Variants in MCF2L2 observed in about 807,000 individuals in gnomAD.
MCF2L2 encodes the protein probable guanine nucleotide exchange factor MCF2L2.
MCF2L2 carries 102 observed loss-of-function variants against 150.2 expected under a neutral mutation model. The observed-to-expected ratio is 0.68, with a 90% CI of 0.58 to 0.80. The LOEUF (loss-of-function observed/expected upper bound fraction) is 0.80, where lower values mean the gene tolerates loss of function less well. MCF2L2 is among the 30% of genes least tolerant of loss of function. The pLI, the probability that MCF2L2 is intolerant of heterozygous loss-of-function variation, is 0.00. For synonymous variants in MCF2L2, 465 were observed against 491.3 expected (o/e 0.95, Z 0.71); for missense variants, 1,256 against 1,372.8 (o/e 0.91, Z 1.34).
Position 183,297,170 on chromosome 3 carries a change from T to C in MCF2L2, c.1306-3A>G. ...CCTGCCTCACACCATTGGCTGACCT[T>C]TTGGAAAGAAACAGTGCCCTGTGCA... On this transcript the variant is annotated splice_polypyrimidine_tract_variant and splice_region_variant and intron_variant, in intron 11 of 29. Coordinates refer to ENST00000328913, the MANE Select transcript of MCF2L2 (RefSeq NM_015078.4). 1 of 1,613,452 alleles carries C rather than the reference T, an allele frequency of 6.2e-7. No homozygotes were observed. Among genetic ancestry groups the C allele is most frequent in the Admixed American group, 1.7e-5 (1 of 59,992 alleles).
At chr3:183,386,384 G>A (rs868141593) in intron 2 of MCF2L2, among the ~76,000 whole-genome samples, 1 of 152,146 alleles carries the variant, frequency 6.6e-6, no homozygotes, top group East Asian at 1.9e-4. Flanking sequence ...TCCAATTCCC[G>A]CTGGTGGCCC....
chr3:183,362,888 G>A (rs1449952267), intron 3 of MCF2L2, among the ~76,000 whole-genome samples: 3 of 152,056 alleles, frequency 2.0e-5, no homozygotes, highest in Non-Finnish European at 2.9e-5. Context: ...ATTTCTTTAC[G>A]TCTTTATATC....
Position 183,305,709 on chromosome 3 carries a change from T to G in MCF2L2, c.1113+4007A>C, listed in dbSNP as rs779784652. 3.9e-5 allele frequency among the ~76,000 whole-genome samples: 6 copies of G among 151,968 alleles called. No individual in the cohort carries two copies. Among genetic ancestry groups the G allele is most frequent in the Non-Finnish European group, 5.9e-5 (4 of 67,966 alleles). On this transcript the variant is annotated intron_variant, in intron 10 of 29. Transcript: ENST00000328913. This position sits in a 1 kb window ranked among gnomAD's most constrained non-coding sequence, Gnocchi z 4.1. ...ACTAAAAATACAAAAATTAGCCGGG[T>G]GTGGTGGAGGGTACCTGTAGTCCCA... is the stretch of plus-strand genomic sequence containing the variant.
At chr3:183,186,317 A>G (rs1301582668) in intron 27 of MCF2L2, among the ~76,000 whole-genome samples, 1 of 152,196 alleles carries the variant, frequency 6.6e-6, no homozygotes, top group Non-Finnish European at 1.5e-5. Context: ...GCGGTGGTAC[A>G]ATCATGGCTT....
At chr3:183,273,780 T>TTGCC (rs1260740339) in intron 15 of MCF2L2, among the ~76,000 whole-genome samples, 2 of 152,326 alleles carry the variant, frequency 1.3e-5, no homozygotes, top group African/African-American at 4.8e-5. Context: ...GCCTGCAGTA[T>TTGCC]TCAGTACAGC....
intron 21 of MCF2L2, among the ~76,000 whole-genome samples, chr3:183,216,570 ATATATATATATTTTTTTTTTTTTTT>A (rs1722934927): frequency 2.6e-4 from 7 of 26,996 alleles, no homozygotes; most frequent in South Asian, 2.2e-3. Context: ...ATATATATAT[ATATATATATATTTTTTTTTTTTTTT>A]TTTTTTTTTT....
rs751304090 is a variant in MCF2L2, at chr3:183,379,414, G to A, written c.161-3C>T. ...GGCGCCATCCTCCCCTCGGCCTCCT[G>A]CAACAAAAACAGGTGGTCAAAATGT... On this transcript the variant is annotated splice_polypyrimidine_tract_variant and splice_region_variant and intron_variant, in intron 2 of 29. Coordinates refer to ENST00000328913, the MANE Select transcript of MCF2L2 (RefSeq NM_015078.4). 4 of 1,605,728 alleles carry A rather than the reference G, an allele frequency of 2.5e-6. No individual in the cohort carries two copies. Among genetic ancestry groups the A allele is most frequent in the Non-Finnish European group, 3.4e-6 (4 of 1,175,212 alleles).
intron 3 of MCF2L2, chr3:183,373,193 C>A (rs1712991320): frequency 6.6e-6 from 1 of 152,124 alleles, no homozygotes; most frequent in Admixed American, 6.5e-5. Flanking sequence ...GCAGACGGCA[C>A]CTGATGGGCT....
chr3:183,296,338 CCT>C (rs1167156550), intron 12 of MCF2L2: 1 of 152,758 alleles, frequency 6.5e-6, no homozygotes, highest in African/African-American at 2.4e-5. Flanking sequence ...ACCTTGCCTG[CCT>C]CTCTCTAACC....
At chr3:183,387,019 A>T (rs1265602330) in intron 2 of MCF2L2, among the ~76,000 whole-genome samples, 2 of 152,178 alleles carry the variant, frequency 1.3e-5, no homozygotes, top group African/African-American at 4.8e-5. Flanking sequence ...ACTTTGGAAG[A>T]CTGAGATGGA....
chr3:183,287,734 A>T (rs1311051200), intron 14 of MCF2L2: 1 of 152,194 alleles, frequency 6.6e-6, no homozygotes, highest in Non-Finnish European at 1.5e-5. Context: ...AGAATACAGG[A>T]TGACTAAACA....
chr3:183,372,102 A>T (rs73062737), intron 3 of MCF2L2: 47,948 of 151,208 alleles, frequency 0.32, 11,656 homozygotes, highest in African/African-American at 0.68. Context: ...CAGCTTCACT[A>T]CCCTTTGGCT....
At chr3:183,247,874 G>A (rs1576957187) in intron 15 of MCF2L2, among the ~76,000 whole-genome samples, 3 of 152,004 alleles carry the variant, frequency 2.0e-5, no homozygotes, top group South Asian at 2.1e-4. Context: ...TATCTGCAAG[G>A]GTCCTGGAAC....
At chr3:183,282,416 C>T (rs542907222) in intron 14 of MCF2L2, among the ~76,000 whole-genome samples, 2 of 152,098 alleles carry the variant, frequency 1.3e-5, no homozygotes, top group South Asian at 4.1e-4. Context: ...CTGACCTCAT[C>T]GTCTGGACTA....
intron 15 of MCF2L2, among the ~76,000 whole-genome samples, chr3:183,238,139 A>G (rs967479489): frequency 1.3e-5 from 2 of 151,912 alleles, no homozygotes; most frequent in Admixed American, 6.6e-5. Context: ...TCAATTTTGG[A>G]ATTCCCTGCT....
intron 3 of MCF2L2, among the ~76,000 whole-genome samples, chr3:183,351,630 T>C (rs1031565131): frequency 7.2e-5 from 11 of 152,174 alleles, no homozygotes; most frequent in Non-Finnish European, 1.0e-4. Flanking sequence ...CACATGGGGC[T>C]TCTTACTGGA....
chr3:183,179,945 A>C lies in MCF2L2; in HGVS notation c.3105+126T>G. Reference sequence around the variant, plus strand: ...CTGGTGACCTCGGCTCCCTGGCTTAACCAGGTCCTTATGGGTGAGAATCCT... The same window carrying C: ...CTGGTGACCTCGGCTCCCTGGCTTACCCAGGTCCTTATGGGTGAGAATCCT... On this transcript the variant is annotated intron_variant, in intron 28 of 29. Transcript: ENST00000328913. This position sits in a 1 kb window ranked among gnomAD's most constrained non-coding sequence, Gnocchi z 4.2. The C allele has an allele frequency of 1.2e-6, 1 of 857,610 alleles. No homozygotes were observed. Among genetic ancestry groups the C allele is most frequent in the Non-Finnish European group, 1.9e-6 (1 of 520,280 alleles). The allele number at this position is 857,610 out of a possible 1,614,324, so 53.1% of individuals were successfully genotyped here. A position where few individuals can be genotyped will look rare whatever the true frequency, so the allele number is the denominator to read the frequency against.
At chr3:183,211,933 G>A (rs548623420) in intron 22 of MCF2L2, among the ~76,000 whole-genome samples, 2 of 152,278 alleles carry the variant, frequency 1.3e-5, no homozygotes, top group East Asian at 3.9e-4. Flanking sequence ...GATCTTATTC[G>A]GAAAGAGGGT....
At chr3:183,335,359 TATAAATAC>T (rs958415018) in intron 5 of MCF2L2, among the ~76,000 whole-genome samples, 29 of 135,958 alleles carry the variant, frequency 2.1e-4, no homozygotes, top group African/African-American at 1.0e-3. Context: ...AAGCAATACA[TATAAATAC>T]ATAAACATAG....
Sources: allele counts gnomAD v4.1 joint callset (sites outside exome capture counted in the v4.1 genomes callset), GRCh38; gene constraint gnomAD v4.1.1; non-coding constraint Gnocchi (gnomAD v3.1); transcripts MANE v1.5; gene names NCBI Gene and HGNC (gene_info 2026-07-23, HGNC 2026-07-21).